SCOC: variants seen among roughly 807,000 people sequenced by gnomAD.
The protein encoded by SCOC is short coiled coil protein.
Under a neutral mutation model 9.9 loss-of-function variants are expected in SCOC, and 7 were observed. That is an observed-to-expected ratio of 0.71 (90% confidence interval 0.40 to 1.33). The LOEUF (loss-of-function observed/expected upper bound fraction) is 1.33, where lower values mean the gene tolerates loss of function less well. SCOC is among the 40% of genes most tolerant of loss of function. The pLI is 0.01. For synonymous variants in SCOC, 19 were observed against 28.2 expected, an observed-to-expected ratio of 0.67 and a Z score of 1.03; for missense variants, 66 against 89.7, an observed-to-expected ratio of 0.74 and a Z score of 1.07.
At chr4:140,333,195 C>T (rs536959226) in intron 1 of SCOC, among the ~76,000 whole-genome samples, 9 of 152,242 alleles carry the variant, frequency 5.9e-5, no homozygotes, top group African/African-American at 2.2e-4. Flanking sequence ...AGTCTCTGCT[C>T]CAATGTCATT....
chr4:140,350,609 A>G (rs1178723823), intron 2 of SCOC, among the ~76,000 whole-genome samples: 2 of 152,180 alleles, frequency 1.3e-5, no homozygotes, highest in Non-Finnish European at 2.9e-5. Context: ...GGACCTGGTT[A>G]TTTGAAGAAT....
chr4:140,287,469 C>T (rs1731321120), intron 1 of SCOC, among the ~76,000 whole-genome samples: 1 of 151,248 alleles, frequency 6.6e-6, no homozygotes, highest in Non-Finnish European at 1.5e-5. Flanking sequence ...GCTACACACA[C>T]ATCATGTGCA....
chr4:140,358,170 T>C (rs1418556655), intron 2 of SCOC, among the ~76,000 whole-genome samples: 2 of 152,220 alleles, frequency 1.3e-5, no homozygotes, highest in African/African-American at 2.4e-5. Flanking sequence ...ACACCTGAGT[T>C]GAATACTTTT....
chr4:140,277,177 G>A (rs887431098), intron 1 of SCOC, among the ~76,000 whole-genome samples: 5 of 152,068 alleles, frequency 3.3e-5, no homozygotes, highest in African/African-American at 1.2e-4. Context: ...TCTTTTGTGA[G>A]CTTAAAGAGA....
chr4:140,379,133 G>T lies in SCOC; in HGVS notation c.-38G>T, dbSNP rs1432372280. On this transcript the variant is annotated 5_prime_UTR_variant, in exon 2 of 4. Coordinates refer to ENST00000608372, the MANE Select transcript of SCOC (RefSeq NM_001153484.2). Reference sequence around the variant, plus strand: ...TTTCTTATTGTAGACCATTCCTCAAGAATTTTGTATCCAAGGCCCAAAAGT... The same window carrying T: ...TTTCTTATTGTAGACCATTCCTCAATAATTTTGTATCCAAGGCCCAAAAGT... 6.3e-7 allele frequency: 1 copy of T among 1,599,760 alleles called. No individual in the cohort carries two copies. Among genetic ancestry groups the T allele is most frequent in the Non-Finnish European group, 8.6e-7 (1 of 1,167,326 alleles).
At chr4:140,261,785 G>A (rs1350606901) in intron 1 of SCOC, among the ~76,000 whole-genome samples, 1 of 152,184 alleles carries the variant, frequency 6.6e-6, no homozygotes, top group Non-Finnish European at 1.5e-5. Context: ...GGAGTGTTGT[G>A]CAAAGGGGAG....
chr4:140,312,268 A>G (rs913489964), intron 1 of SCOC, among the ~76,000 whole-genome samples: 2 of 152,178 alleles, frequency 1.3e-5, no homozygotes, highest in African/African-American at 4.8e-5. Flanking sequence ...ATGCTTTCCA[A>G]CAAGTAGATG....
intron 2 of SCOC, among the ~76,000 whole-genome samples, chr4:140,360,433 C>T (rs2126549467): frequency 6.6e-6 from 1 of 152,222 alleles, no homozygotes; most frequent in African/African-American, 2.4e-5. Flanking sequence ...ATGTCAGTGT[C>T]CCTCTAGGTG....
chr4:140,296,578 A>G (rs1178397130), intron 1 of SCOC, among the ~76,000 whole-genome samples: 2 of 152,304 alleles, frequency 1.3e-5, no homozygotes, highest in East Asian at 3.9e-4. Flanking sequence ...ATTGAAGGAC[A>G]CTGACCCATT....
chr4:140,267,559 C>T (rs565647796), intron 1 of SCOC, among the ~76,000 whole-genome samples: 24 of 152,264 alleles, frequency 1.6e-4, no homozygotes, highest in African/African-American at 5.1e-4. Flanking sequence ...GAGGCGCTGA[C>T]AGGCTGGATG....
intron 1 of SCOC, among the ~76,000 whole-genome samples, chr4:140,290,693 G>A (rs1020439641): frequency 6.6e-6 from 1 of 152,164 alleles, no homozygotes; most frequent in African/African-American, 2.4e-5. Context: ...TGTGCCTGTA[G>A]TCTTAGCTAC....
In SCOC at chr4:140,289,301, A is replaced by G. The variant is rs558211585; in HGVS notation, c.-19+31891A>G. Among the ~76,000 whole-genome samples the G allele has an allele frequency of 2.6e-5, 4 of 152,320 alleles. No homozygotes were observed. In the East Asian group the frequency reaches 7.7e-4, roughly 29 times the overall value. ...CGAATTAATGCACACACTGCGTCCT[A>G]GAGAATGATGTCCCATCTCCTCTGA... On this transcript the variant is annotated intron_variant, in intron 1 of 4. Transcript: ENST00000394205.
intron 1 of SCOC, chr4:140,285,333 T>A (rs974261563): frequency 7.9e-5 from 36 of 454,614 alleles, no homozygotes; most frequent in Middle Eastern, 3.4e-4. Context: ...GTAGAGCATA[T>A]CTTTGTCACA....
intron 2 of SCOC, among the ~76,000 whole-genome samples, chr4:140,344,581 A>C (rs1182646265): frequency 6.6e-6 from 1 of 152,174 alleles, no homozygotes. Context: ...AGCCAGACCT[A>C]AGCTTCCCTC....
In SCOC at chr4:140,384,074, TTTCATGAGGTTCCTTGTATCAA is replaced by T. The variant is rs1332809457; in HGVS notation, c.*2971_*2992del. ...CAGACTTCAGAAACAATTGGCTTAA[TTTCATGAGGTTCCTTGTATCAA>T]AACTTTGTCTATTCCCTTCTATCTT... On this transcript the variant is annotated 3_prime_UTR_variant, in exon 4 of 4. Transcript: ENST00000608372. The T allele has an allele frequency of 6.6e-6, 1 of 152,218 alleles. No homozygotes were observed. The highest frequency in any genetic ancestry group is 1.5e-5 in the Non-Finnish European group (1 of 68,034). The allele number at this position is 152,218 out of a possible 1,614,324, so 9.4% of individuals were successfully genotyped here. A position where few individuals can be genotyped will look rare whatever the true frequency, so the allele number is the denominator to read the frequency against.
chr4:140,268,420 G>A (rs1230015897), intron 1 of SCOC, among the ~76,000 whole-genome samples: 1 of 152,152 alleles, frequency 6.6e-6, no homozygotes, highest in Non-Finnish European at 1.5e-5. Context: ...TTGGGCCTCT[G>A]CTAAGAAATG....
chr4:140,341,602 T>C (rs965757851), upstream of SCOC, among the ~76,000 whole-genome samples: 37 of 152,220 alleles, frequency 2.4e-4, no homozygotes, highest in Non-Finnish European at 4.3e-4. Context: ...AGAGGAATTT[T>C]TATGCTTCCT....
rs72939846 is a variant in SCOC, at chr4:140,383,101, G to A, written c.*1997G>A. Reference sequence around the variant, plus strand: ...CTCATATATCTTCTCATATTCCAGTGGTGTGGAGACTTAGTTACATCTAGA... The same window carrying A: ...CTCATATATCTTCTCATATTCCAGTAGTGTGGAGACTTAGTTACATCTAGA... On this transcript the variant is annotated 3_prime_UTR_variant, in exon 4 of 4. Transcript: ENST00000608372. 2.0e-5 allele frequency: 3 copies of A among 152,208 alleles called. No individual in the cohort carries two copies. Among genetic ancestry groups the A allele is most frequent in the Admixed American group, 6.5e-5 (1 of 15,280 alleles). The allele number at this position is 152,208 out of a possible 1,614,324, so 9.4% of individuals were successfully genotyped here.
intron 1 of SCOC, chr4:140,283,660 C>G (rs1731149414): frequency 6.6e-6 from 1 of 152,104 alleles, no homozygotes; most frequent in South Asian, 2.1e-4. Context: ...TATATTTTGT[C>G]CAATTAGCCC....
Sources: gnomAD v4.1 joint callset for allele counts (sites outside exome capture counted in the v4.1 genomes callset) on GRCh38, gnomAD v4.1.1 for gene constraint, MANE v1.5 for transcripts, NCBI Gene and HGNC (gene_info 2026-07-23, HGNC 2026-07-21) for gene names.